Variants in TNR observed in about 807,000 individuals in gnomAD.
TNR encodes the protein tenascin R.
TNR carries 45 observed loss-of-function variants against 150.4 expected under a neutral mutation model. The ratio of observed to expected loss-of-function variants is 0.30; its 90% CI spans 0.24 to 0.38. The LOEUF is 0.38. Ranked by LOEUF, TNR falls within the 10% of genes least tolerant of loss-of-function variation. The probability of loss-of-function intolerance (pLI) is 1.00; values close to 1 mark genes in which losing one functional copy is unlikely to be tolerated. For synonymous variants in TNR, 687 were observed against 678.4 expected (o/e 1.01, Z -0.20); for missense variants, 1,544 against 1,759.1 (o/e 0.88, Z 2.19).
intron 1 of TNR, among the ~76,000 whole-genome samples, chr1:175,530,091 A>G (rs974300953): frequency 2.6e-5 from 4 of 152,262 alleles, no homozygotes; most frequent in Non-Finnish European, 4.4e-5. Context: ...AAATGTATGC[A>G]GAAGACGCTA....
At chr1:175,706,173 C>T (rs1666838052) in intron 1 of TNR, among the ~76,000 whole-genome samples, 1 of 152,116 alleles carries the variant, frequency 6.6e-6, no homozygotes, top group African/African-American at 2.4e-5. Flanking sequence ...TCCATAAAGT[C>T]CACGTATCAG....
At chr1:175,331,145 T>C (rs1649872491) in intron 20 of TNR, among the ~76,000 whole-genome samples, 1 of 140,640 alleles carries the variant, frequency 7.1e-6, no homozygotes, top group Non-Finnish European at 1.6e-5. Flanking sequence ...CTTTCTTTCT[T>C]CCTTTCTTTC....
At chr1:175,575,283 A>G (rs1411156698) in intron 1 of TNR, among the ~76,000 whole-genome samples, 1 of 152,250 alleles carries the variant, frequency 6.6e-6, no homozygotes, top group Non-Finnish European at 1.5e-5. Context: ...TGAACAAGAA[A>G]TAAACTTACA....
rs923052260 is a variant in TNR at position 175,513,146 on chromosome 1, C to T, written c.-64+15123G>A. Reference sequence around the variant, plus strand: ...TAAATTGGTGGATAACATGGTAATCCTTGTAATGGGATTCCTGCTGTGTAT... The same window carrying T: ...TAAATTGGTGGATAACATGGTAATCTTTGTAATGGGATTCCTGCTGTGTAT... On this transcript the variant is annotated intron_variant, in intron 2 of 22. Coordinates refer to ENST00000367674, the MANE Select transcript of TNR (RefSeq NM_003285.3). Among the ~76,000 whole-genome samples the T allele has an allele frequency of 2.0e-5, 3 of 152,106 alleles. No individual in the cohort carries two copies. In the East Asian group the frequency reaches 5.8e-4, roughly 29 times the overall value.
Position 175,599,360 on chromosome 1 carries a change from G to C in TNR, c.-164-70991C>G, listed in dbSNP as rs1663137847. Among the ~76,000 whole-genome samples, 1 of 152,232 alleles carries C rather than the reference G, an allele frequency of 6.6e-6. No homozygotes were observed. The highest frequency in any genetic ancestry group is 2.4e-5 in the African/African-American group (1 of 41,460). Reference sequence around the variant, plus strand: ...TAGGGGCCCTGAGAGGCACACACGCGCCTTCTGCTCACACCTCAGGCAGTC... The same window carrying C: ...TAGGGGCCCTGAGAGGCACACACGCCCCTTCTGCTCACACCTCAGGCAGTC... On this transcript the variant is annotated intron_variant, in intron 1 of 22. Transcript: ENST00000367674. This position sits in a 1 kb window ranked among gnomAD's most constrained non-coding sequence, Gnocchi z 4.7.
In TNR at chr1:175,419,493, G is replaced by C. The variant is rs536566948; in HGVS notation, c.-63-12716C>G. ...GGATGCAGAACATTTCAGGGGGCTT[G>C]GGGTTTATATCTGAAATAACTTGTG... On this transcript the variant is annotated intron_variant, in intron 2 of 22. Transcript: ENST00000367674. 4.9e-4 allele frequency among the ~76,000 whole-genome samples: 75 copies of C among 152,200 alleles called. No individual in the cohort carries two copies. In the South Asian group the frequency reaches 0.016, roughly 32 times the overall value.
intron 1 of TNR, among the ~76,000 whole-genome samples, chr1:175,602,082 G>A (rs892596633): frequency 1.3e-5 from 2 of 151,820 alleles, no homozygotes; most frequent in Admixed American, 1.3e-4. Flanking sequence ...CCTCTGAGTG[G>A]GTTTGGAAAG....
intron 2 of TNR, among the ~76,000 whole-genome samples, chr1:175,421,621 C>T (rs1654758279): frequency 6.6e-6 from 1 of 152,146 alleles, no homozygotes; most frequent in South Asian, 2.1e-4. Flanking sequence ...TAGAATGATC[C>T]AAACTTTTTA....
chr1:175,539,718 T>C (rs1206903496), intron 1 of TNR, among the ~76,000 whole-genome samples: 1 of 152,220 alleles, frequency 6.6e-6, no homozygotes, highest in Non-Finnish European at 1.5e-5. Flanking sequence ...CTGTTGCTCA[T>C]GCAGTGTGAT....
chr1:175,398,104 T>A (rs1240049200), intron 4 of TNR, among the ~76,000 whole-genome samples: 1 of 152,216 alleles, frequency 6.6e-6, no homozygotes, highest in African/African-American at 2.4e-5. Context: ...TTGCTGGACC[T>A]TGTGAGTGGA....
chr1:175,485,010 A>G (rs977709976), intron 2 of TNR, among the ~76,000 whole-genome samples: 2 of 152,222 alleles, frequency 1.3e-5, no homozygotes, highest in Admixed American at 1.3e-4. Flanking sequence ...CACTCATAAA[A>G]CTAAGAAAAC....
intron 1 of TNR, among the ~76,000 whole-genome samples, chr1:175,555,538 C>G (rs986199307): frequency 6.8e-6 from 1 of 146,422 alleles, no homozygotes; most frequent in African/African-American, 2.5e-5. Flanking sequence ...AAAAAAATCT[C>G]CTCAGGTTTT....
chr1:175,544,791 T>C (rs1660622861), intron 1 of TNR, among the ~76,000 whole-genome samples: 1 of 152,200 alleles, frequency 6.6e-6, no homozygotes, highest in African/African-American at 2.4e-5. Context: ...TTTTTCCCTA[T>C]CATTGGCTGT....
At chr1:175,701,908 C>T (rs1046390906) in intron 1 of TNR, among the ~76,000 whole-genome samples, 5 of 152,196 alleles carry the variant, frequency 3.3e-5, no homozygotes, top group Admixed American at 2.6e-4. Flanking sequence ...AGAACTTAAG[C>T]CGCATCTCCT....
At chr1:175,682,377 C>T (rs1028732457) in intron 1 of TNR, among the ~76,000 whole-genome samples, 3 of 152,134 alleles carry the variant, frequency 2.0e-5, no homozygotes, top group East Asian at 1.9e-4. Flanking sequence ...GCAGAGACGC[C>T]GCTCAGAGAG....
chr1:175,727,385 G>C (rs577527794), intron 1 of TNR, among the ~76,000 whole-genome samples: 10 of 152,300 alleles, frequency 6.6e-5, no homozygotes, highest in African/African-American at 2.4e-4. Context: ...AAGTTCACTG[G>C]AGACCTTGAC....
intron 1 of TNR, among the ~76,000 whole-genome samples, chr1:175,700,484 C>T (rs993735894): frequency 6.6e-6 from 1 of 152,170 alleles, no homozygotes; most frequent in African/African-American, 2.4e-5. Flanking sequence ...AGCAGATAGG[C>T]AACATGCAGC....
At chr1:175,590,718 A>G (rs1217775502) in intron 1 of TNR, among the ~76,000 whole-genome samples, 1 of 152,272 alleles carries the variant, frequency 6.6e-6, no homozygotes, top group Non-Finnish European at 1.5e-5. Context: ...GGTGAGGAGA[A>G]CTGCAATGGC....
chr1:175,488,536 G>C (rs1378753035), intron 2 of TNR, among the ~76,000 whole-genome samples: 1 of 152,204 alleles, frequency 6.6e-6, no homozygotes, highest in Non-Finnish European at 1.5e-5. Flanking sequence ...GGGGAGCTAA[G>C]CAGGAGATCC....
Sources: allele counts gnomAD v4.1 joint callset (sites outside exome capture counted in the v4.1 genomes callset), GRCh38; gene constraint gnomAD v4.1.1; non-coding constraint Gnocchi (gnomAD v3.1); transcripts MANE v1.5; gene names NCBI Gene and HGNC (gene_info 2026-07-23, HGNC 2026-07-21).